The following SLC15A4 variants were observed in gnomAD, a reference collection of about 807,000 sequenced individuals.
SLC15A4 encodes hPHT1.
In SLC15A4, 26 loss-of-function variants were observed where a neutral mutation model predicts 46.1. The observed-to-expected ratio is 0.56, with a 90% CI of 0.41 to 0.78. The LOEUF (loss-of-function observed/expected upper bound fraction) is 0.78, where lower values mean the gene tolerates loss of function less well. Ranked by LOEUF, SLC15A4 falls within the 30% of genes least tolerant of loss-of-function variation. The probability of loss-of-function intolerance (pLI) is 0.00; values close to 1 mark genes in which losing one functional copy is unlikely to be tolerated. For missense variants in SLC15A4, 751 were observed against 755.7 expected (o/e 0.99, Z 0.07); for synonymous variants, 370 against 333.4 (o/e 1.11, Z -1.20).
intron 7 of SLC15A4, among the ~76,000 whole-genome samples, chr12:128,794,633 A>G (rs1955424672): frequency 1.3e-5 from 2 of 152,156 alleles, no homozygotes; most frequent in South Asian, 4.1e-4. Flanking sequence ...TCTGTAAGGT[A>G]AAAGGAGGAG....
chr12:128,811,508 C>A (rs1272206293), intron 2 of SLC15A4, among the ~76,000 whole-genome samples: 2 of 152,162 alleles, frequency 1.3e-5, no homozygotes, highest in Non-Finnish European at 2.9e-5. Context: ...TACCTGGGGG[C>A]TAAAGGGGAG....
chr12:128,808,710 C>T, intron 5 of SLC15A4, 78 bp downstream of exon 5: 1 of 1,478,650 alleles, frequency 6.8e-7, no homozygotes, highest in Non-Finnish European at 9.2e-7. Flanking sequence ...TGGGGCACGA[C>T]TGCGTGTGAG....
At chr12:128,810,428 T>C in intron 2 of SLC15A4, 1 of 316,168 alleles carries the variant, frequency 3.2e-6, no homozygotes, top group South Asian at 3.4e-5. Flanking sequence ...AGCTGCCAGC[T>C]CGGCAATCTC....
chr12:128,810,010 A>G lies in SLC15A4; in HGVS notation c.944T>C (p.Val315Ala). 9 of 1,614,224 alleles carry G rather than the reference A, an allele frequency of 5.6e-6. No homozygotes were observed. Among genetic ancestry groups the G allele is most frequent in the Non-Finnish European group, 7.6e-6 (9 of 1,180,040 alleles). Residue 315 changes from valine (V) to alanine (A), a missense_variant, in exon 3 of 8, where the codon GTG (valine) becomes GCG (alanine). By Grantham distance (64) the Val-to-Ala change is moderately conservative (BLOSUM62 0). Coordinates refer to ENST00000266771, the MANE Select transcript of SLC15A4 (RefSeq NM_145648.4). ...GPFTEEKVED[V>A]KALVKIVPVF... is the part of the protein sequence containing the mutation. Reference sequence around the variant, plus strand: ...AGGGACAATCTTGACCAGAGCTTTCACATCTTCCACTTTCTCTTCTGTAAA... The same window carrying G: ...AGGGACAATCTTGACCAGAGCTTTCGCATCTTCCACTTTCTCTTCTGTAAA...
intron 2 of SLC15A4, among the ~76,000 whole-genome samples, chr12:128,811,818 T>C (rs7966454): frequency 0.99 from 151,030 of 152,374 alleles, 74,865 homozygotes; most frequent in South Asian, 1. Context: ...TTTCGCTTTA[T>C]GTAATTAAAA....
At chr12:128,805,108 G>C (rs1203579507) in intron 5 of SLC15A4, among the ~76,000 whole-genome samples, 1 of 152,022 alleles carries the variant, frequency 6.6e-6, no homozygotes, top group Non-Finnish European at 1.5e-5. Context: ...TACATGAGAA[G>C]CCAAAGGCAG....
At chr12:128,796,001 G>A (rs1456024967) in intron 7 of SLC15A4, among the ~76,000 whole-genome samples, 1 of 152,192 alleles carries the variant, frequency 6.6e-6, no homozygotes, top group Non-Finnish European at 1.5e-5. Context: ...TTTCTCATTT[G>A]TTTATTTTAA....
chr12:128,795,074 G>T (rs1955429164), intron 7 of SLC15A4, among the ~76,000 whole-genome samples: 1 of 152,136 alleles, frequency 6.6e-6, no homozygotes, highest in Non-Finnish European at 1.5e-5. Context: ...CGAATCCTGA[G>T]GTGAGCGTCT....
At chr12:128,811,908 T>C (rs1955661770) in intron 2 of SLC15A4, among the ~76,000 whole-genome samples, 1 of 152,202 alleles carries the variant, frequency 6.6e-6, no homozygotes, top group African/African-American at 2.4e-5. Context: ...TTTTGCAACA[T>C]ACAAGGGTCC....
chr12:128,814,525 C>A, intron 2 of SLC15A4: 1 of 473,802 alleles, frequency 2.1e-6, no homozygotes, highest in Non-Finnish European at 3.8e-6. Flanking sequence ...TCTACACTAG[C>A]AGTGAGAGAA....
At chr12:128,804,737 GAA>G (rs1342499725) in intron 5 of SLC15A4, among the ~76,000 whole-genome samples, 1 of 152,102 alleles carries the variant, frequency 6.6e-6, no homozygotes, top group African/African-American at 2.4e-5. Context: ...TCTTGAAAAT[GAA>G]AAAGTTATCA....
chr12:128,809,438 CA>C lies in SLC15A4; in HGVS notation c.1046del (p.Leu349Ter), dbSNP rs762406148. 6.2e-7 allele frequency: 1 copy of C among 1,609,436 alleles called. No individual in the cohort carries two copies. Among genetic ancestry groups the C allele is most frequent in the Non-Finnish European group, 8.5e-7 (1 of 1,177,678 alleles). ...QTTYVLQSLH[L>X]RIPEISNITT... ...TAATATTTGAAATTTCTGGAATCCT[CA>C]AATGAAGACTCTGTAAAACATATGT... is the stretch of plus-strand genomic sequence containing the variant. On this transcript the variant is annotated frameshift_variant, in exon 4 of 8. Transcript: ENST00000266771. LOFTEE classifies it high-confidence loss of function.
intron 5 of SLC15A4, among the ~76,000 whole-genome samples, chr12:128,803,660 A>C (rs1417355795): frequency 6.6e-6 from 1 of 152,172 alleles, no homozygotes; most frequent in Non-Finnish European, 1.5e-5. Context: ...GGCTGCTAGA[A>C]TCTCACAGGA....
intron 2 of SLC15A4, among the ~76,000 whole-genome samples, chr12:128,812,316 T>A (rs931742498): frequency 2.6e-5 from 4 of 152,082 alleles, no homozygotes; most frequent in Non-Finnish European, 5.9e-5. Flanking sequence ...CAACTTTTTT[T>A]TTTTATTTTA....
intron 2 of SLC15A4, chr12:128,810,464 C>G (rs935579844): frequency 3.8e-6 from 1 of 264,952 alleles, no homozygotes; most frequent in Non-Finnish European, 7.3e-6. Context: ...TGCAGCTCTA[C>G]GTGACACTGG....
chr12:128,793,293 C>T lies in SLC15A4; in HGVS notation c.*903G>A, dbSNP rs896179419. 1.3e-5 allele frequency: 2 copies of T among 152,198 alleles called. No homozygotes were observed. The highest frequency in any genetic ancestry group is 1.9e-4 in the East Asian group (1 of 5,198). 9.4% of individuals were successfully genotyped at this position (152,198 alleles called of 1,614,324 possible). A position where few individuals can be genotyped will look rare whatever the true frequency, so the allele number is the denominator to read the frequency against. ...AACAAACGGAGAAGCCCCAGATACA[C>T]GTACAGTAACAATACAAAAATGTGA... On this transcript the variant is annotated 3_prime_UTR_variant, in exon 8 of 8. Transcript: ENST00000266771.
rs1419507005 is a variant in SLC15A4 at position 128,815,047 on chromosome 12, G to A, written c.570C>T (p.Ala190=). The stretch of plus-strand genomic sequence containing the variant: ...AAAACCAATTAAAAAATCTCCTAGT[G>A]GCTTCCGGACCTCGATCTTTAACCT... ...ADQVKDRGPE[A]TRRFFNWFYW... Residue 190 remains alanine, a synonymous_variant, in exon 2 of 8, where the codon GCC becomes GCT. Coordinates refer to ENST00000266771, the MANE Select transcript of SLC15A4 (RefSeq NM_145648.4). 1 of 1,610,356 alleles carries A rather than the reference G, an allele frequency of 6.2e-7. No individual in the cohort carries two copies. Among genetic ancestry groups the A allele is most frequent in the Non-Finnish European group, 8.5e-7 (1 of 1,176,776 alleles).
At chr12:128,813,619 T>C (rs1004713466) in intron 2 of SLC15A4, 13 of 152,002 alleles carry the variant, frequency 8.6e-5, no homozygotes, top group Non-Finnish European at 5.9e-5. Flanking sequence ...GATGTGTGAG[T>C]GGGCCCGCAG....
chr12:128,804,374 G>A (rs1955554191), intron 5 of SLC15A4, among the ~76,000 whole-genome samples: 1 of 152,196 alleles, frequency 6.6e-6, no homozygotes, highest in Non-Finnish European at 1.5e-5. Flanking sequence ...GACCAAAGTA[G>A]TAATAACAAG....
Sources: allele counts gnomAD v4.1 joint callset (sites outside exome capture counted in the v4.1 genomes callset), GRCh38; gene constraint gnomAD v4.1.1; transcripts MANE v1.5; gene names NCBI Gene and HGNC (gene_info 2026-07-23, HGNC 2026-07-21).